TM2D2: variants seen among roughly 807,000 people sequenced by gnomAD.
TM2D2 encodes TM2 domain containing 2, also known as TM2 domain-containing protein 2.
TM2D2 carries 19 observed loss-of-function variants against 23.0 expected under a neutral mutation model. The ratio of observed to expected loss-of-function variants is 0.82; its 90% CI spans 0.58 to 1.21. TM2D2 has a LOEUF of 1.21. TM2D2 is among the 50% of genes most tolerant of loss of function. The pLI, the probability that TM2D2 is intolerant of heterozygous loss-of-function variation, is 0.00. For synonymous variants in TM2D2, 120 were observed against 108.8 expected, an observed-to-expected ratio of 1.10 and a Z score of -0.64; for missense variants, 246 against 265.4, an observed-to-expected ratio of 0.93 and a Z score of 0.51.
At chr8:38,995,871 C>T in intron 1 of TM2D2, 1 of 1,042,516 alleles carries the variant, frequency 9.6e-7, no homozygotes, top group Non-Finnish European at 1.2e-6. Context: ...TCCATTTATG[C>T]CTTACTCAGT....
intron 2 of TM2D2, among the ~76,000 whole-genome samples, chr8:38,994,654 T>C (rs1835700710): frequency 6.6e-6 from 1 of 152,176 alleles, no homozygotes; most frequent in Non-Finnish European, 1.5e-5. Flanking sequence ...TGTGGCATAA[T>C]AGGATGGCGA....
chr8:38,991,473 G>C lies in TM2D2; in HGVS notation c.504C>G (p.Phe168Leu). The C allele has an allele frequency of 6.2e-7, 1 of 1,613,874 alleles. No homozygotes were observed. Among genetic ancestry groups the C allele is most frequent in the Non-Finnish European group, 8.5e-7 (1 of 1,179,974 alleles). ...CTGCAGTGCCAGTGTGTCCCAAACA[G>C]AATCGATCCACACCAAAACATCCCA... ...FFLGCFGVDR[F>L]CLGHTGTAVG... Residue 168 changes from phenylalanine (F) to leucine (L), a missense_variant, in exon 4 of 4, where the codon TTC (phenylalanine) becomes TTG (leucine). This residue lies in a region of TM2D2 where 34 missense variants were observed against 63.2 expected (regional missense o/e 0.54). Coordinates refer to ENST00000456397, the MANE Select transcript of TM2D2 (RefSeq NM_078473.3).
intron 2 of TM2D2, chr8:38,993,965 A>C: frequency 5.2e-6 from 1 of 192,772 alleles, no homozygotes; most frequent in East Asian, 1.2e-4. Context: ...GATGAACACA[A>C]TGCTTTACTT....
rs1181923856 is a variant in TM2D2 at position 38,989,187 on chromosome 8, T to G, written c.*2145A>C. ...CCACTCTAGCAGCGAGAACAACTTC[T>G]TTTGTCTCCAGCAGCTTTACTGACA... On this transcript the variant is annotated 3_prime_UTR_variant, in exon 4 of 4. Transcript: ENST00000456397. The G allele has an allele frequency of 1.3e-5, 2 of 152,230 alleles. No homozygotes were observed. Among genetic ancestry groups the G allele is most frequent in the Non-Finnish European group, 2.9e-5 (2 of 68,036 alleles). The allele number at this position is 152,230 out of a possible 1,614,324, so 9.4% of individuals were successfully genotyped here.
Position 38,989,844 on chromosome 8 carries a change from GGTACCA to G in TM2D2, c.*1482_*1487del, listed in dbSNP as rs1835552938. 1 of 151,736 alleles carries G rather than the reference GGTACCA, an allele frequency of 6.6e-6. No homozygotes were observed. The highest frequency in any genetic ancestry group is 1.5e-5 in the Non-Finnish European group (1 of 67,966). 9.4% of individuals were successfully genotyped at this position (151,736 alleles called of 1,614,324 possible). On this transcript the variant is annotated 3_prime_UTR_variant, in exon 4 of 4. Coordinates refer to ENST00000456397, the MANE Select transcript of TM2D2 (RefSeq NM_078473.3). ...CTCTTTTATTTGTATAAATTTATAG[GGTACCA>G]GTACAATTTTATTTCATGCATAAAT...
intron 1 of TM2D2, 134 bp downstream of exon 1, chr8:38,996,079 A>C: frequency 1.9e-6 from 2 of 1,078,948 alleles, no homozygotes; most frequent in South Asian, 3.3e-5. Flanking sequence ...GGTTCATGAT[A>C]TTTGCCTCCG....
At chr8:38,996,745 G>C (rs908100576), upstream of TM2D2, 1 of 1,418,782 alleles carries the variant, frequency 7.0e-7, no homozygotes, top group African/African-American at 1.4e-5. Flanking sequence ...CTAGGTGGGC[G>C]TGCCCGGCAG....
rs1047185727 is a variant in TM2D2 at position 38,995,874 on chromosome 8, TACTC to T, written c.227+335_227+338del. The T allele has an allele frequency of 4.3e-5, 43 of 1,004,160 alleles. No individual in the cohort carries two copies. In the African/African-American group the frequency reaches 6.2e-4, roughly 14 times the overall value. The allele number at this position is 1,004,160 out of a possible 1,614,324, so 62.2% of individuals were successfully genotyped here. ...CAAGTCATTTACTCCATTTATGCCT[TACTC>T]AGTACTGGCACCGAATCGACCGACT... On this transcript the variant is annotated intron_variant, in intron 1 of 3. Transcript: ENST00000456397.
At position 38,996,448 on chromosome 8, in the gene TM2D2, G is replaced by A; in HGVS notation, c.-9C>T. 6.2e-7 allele frequency: 1 copy of A among 1,613,728 alleles called. No homozygotes were observed. The stretch of plus-strand genomic sequence containing the variant: ...CAACCACCTAGCACCATCTTCCCGG[G>A]CACAGGAGCGGAGACCCGGCCTCAA... On this transcript the variant is annotated 5_prime_UTR_variant, in exon 1 of 4. Coordinates refer to ENST00000456397, the MANE Select transcript of TM2D2 (RefSeq NM_078473.3).
rs546631368 is a variant in TM2D2 at position 38,994,923 on chromosome 8, C to T, written c.315+395G>A. 6.6e-5 allele frequency among the ~76,000 whole-genome samples: 10 copies of T among 152,332 alleles called. No homozygotes were observed. In the South Asian group the frequency reaches 2.1e-3, roughly 32 times the overall value. On this transcript the variant is annotated intron_variant, in intron 2 of 3. Transcript: ENST00000456397. The stretch of plus-strand genomic sequence containing the variant: ...AAAGAAATGTCATTGGCAAGAAAAG[C>T]TCTGCCCCAAATGCATGTGTAACAA...
rs1454864826 is a variant in TM2D2 at position 38,996,399 on chromosome 8, C to A, written c.41G>T (p.Cys14Phe). 1 of 1,614,212 alleles carries A rather than the reference C, an allele frequency of 6.2e-7. No homozygotes were observed. The highest frequency in any genetic ancestry group is 1.7e-5 in the Admixed American group (1 of 60,036). Residue 14 changes from cysteine (C) to phenylalanine (F), a missense_variant, in exon 1 of 4, where the codon TGC becomes TTC. By Grantham distance (205) the Cys-to-Phe change is radical. Around this residue, in one of 2 missense-constraint regions of TM2D2, gnomAD observed 212 missense variants for 202.2 expected, o/e 1.05. Coordinates refer to ENST00000456397, the MANE Select transcript of TM2D2 (RefSeq NM_078473.3). Reference protein sequence around the residue: ...GGCPVSYLLLCGQAALLLGNL... With the variant: ...GGCPVSYLLLFGQAALLLGNL... ...CCCCAGCAGCAAAGCCGCCTGGCCG[C>A]ACAGAAGTAAGTAACTAACCGGGCA...
At chr8:38,996,937 G>A (rs751372243), upstream of TM2D2, 5 of 1,449,156 alleles carry the variant, frequency 3.5e-6, no homozygotes, top group South Asian at 6.1e-5. Flanking sequence ...TGCTCGTCGG[G>A]CGCGCGTGCT....
rs149115965 is a variant in TM2D2 at position 38,996,295 on chromosome 8, C to G, written c.145G>C (p.Ala49Pro). 1.2e-4 allele frequency: 197 copies of G among 1,614,028 alleles called. No homozygotes were observed. In the African/African-American group the frequency reaches 2.3e-3, roughly 19 times the overall value. Residue 49 changes from alanine to proline, a missense_variant, in exon 1 of 4, where the codon GCC becomes CCC. Physicochemically the swap from Ala to Pro is conservative, Grantham distance 27. Coordinates refer to ENST00000456397, the MANE Select transcript of TM2D2 (RefSeq NM_078473.3). ...TAEPELTSAGAAQPEGPGGAA... is the reference protein window; with the variant it reads ...TAEPELTSAGPAQPEGPGGAA... ...CCCCCGGGGCCCTCCGGCTGGGCGG[C>G]GCCAGCGGATGTGAGCTCAGGCTCA...
chr8:38,994,477 C>T (rs1835696289), intron 2 of TM2D2, among the ~76,000 whole-genome samples: 1 of 152,128 alleles, frequency 6.6e-6, no homozygotes, highest in Non-Finnish European at 1.5e-5. Flanking sequence ...CAATAATTAT[C>T]AACAGAGTAA....
chr8:38,991,421 G>A lies in TM2D2; in HGVS notation c.556C>T (p.Leu186Phe). 1 of 1,614,096 alleles carries A rather than the reference G, an allele frequency of 6.2e-7. No individual in the cohort carries two copies. Among genetic ancestry groups the A allele is most frequent in the South Asian group, 1.1e-5 (1 of 91,076 alleles). ...AVGKLLTLGG[L>F]GIWWFVDLIL... is the part of the protein sequence containing the mutation. ...AGGTCAACAAACCACCAAATCCCAAGTCCTCCAAGCGTCAACAGCTTCCCT... is the reference window on the plus strand; with the variant it reads ...AGGTCAACAAACCACCAAATCCCAAATCCTCCAAGCGTCAACAGCTTCCCT... The change falls in exon 4 of 4, where the codon CTT becomes TTT. Residue 186 changes from leucine (L) to phenylalanine (F), a missense_variant. Leu to Phe is a conservative substitution (Grantham distance 22). Around this residue, in one of 2 missense-constraint regions of TM2D2, gnomAD observed 34 missense variants for 63.2 expected, o/e 0.54. Coordinates refer to ENST00000456397, the MANE Select transcript of TM2D2 (RefSeq NM_078473.3).
rs764770799 is a variant in TM2D2, at chr8:38,995,335, C to G, written c.298G>C (p.Gly100Arg). 2.5e-6 allele frequency: 4 copies of G among 1,598,624 alleles called. No individual in the cohort carries two copies. The African/African-American group carries it at 5.4e-5, about 22-fold the overall frequency. ...VGNATASQEL[G>R]YGCLKFGGQA... ...AAACTCACCTTGAGACAACCATAAC[C>G]AAGTTCCTGGGATGCAGTTGCATTT... Residue 100 changes from glycine (G) to arginine (R), a missense_variant, in exon 2 of 4, where the codon GGT becomes CGT. Physicochemically the swap from Gly to Arg is moderately radical, Grantham distance 125. This residue lies in a region of TM2D2 where 212 missense variants were observed against 202.2 expected (regional missense o/e 1.05). Transcript: ENST00000456397.
rs1374784752 is a variant in TM2D2, at chr8:38,991,125, A to G, written c.*207T>C. The G allele has an allele frequency of 3.4e-6, 2 of 595,820 alleles. No homozygotes were observed. Among genetic ancestry groups the G allele is most frequent in the Non-Finnish European group, 5.9e-6 (2 of 336,612 alleles). 36.9% of individuals were successfully genotyped at this position (595,820 alleles called of 1,614,324 possible). On this transcript the variant is annotated 3_prime_UTR_variant, in exon 4 of 4. Transcript: ENST00000456397. Reference sequence around the variant, plus strand: ...GAAAGGAACAAATTTGATTCCCCACAACACTTTTTGCTTGTCATTCCGTCT... The same window carrying G: ...GAAAGGAACAAATTTGATTCCCCACGACACTTTTTGCTTGTCATTCCGTCT...
chr8:38,991,231 T>C lies in TM2D2; in HGVS notation c.*101A>G. 3 of 1,001,674 alleles carry C rather than the reference T, an allele frequency of 3.0e-6. No homozygotes were observed. Among genetic ancestry groups the C allele is most frequent in the Non-Finnish European group, 4.4e-6 (3 of 675,754 alleles). 62.0% of individuals were successfully genotyped at this position (1,001,674 alleles called of 1,614,324 possible). On this transcript the variant is annotated 3_prime_UTR_variant, in exon 4 of 4. Transcript: ENST00000456397. ...CAAATGCCCTCCAAAAGAAGGAAAA[T>C]AACATCAGGTCTGATATCAAAGAGG...
At chr8:38,996,793 A>C, upstream of TM2D2, 4 of 1,419,978 alleles carry the variant, frequency 2.8e-6, no homozygotes, top group Non-Finnish European at 2.8e-6. Context: ...CGGGCCGACT[A>C]GTGCTGGTTG....
Sources: gnomAD v4.1 joint callset for allele counts (sites outside exome capture counted in the v4.1 genomes callset) on GRCh38, gnomAD v4.1.1 for gene constraint, gnomAD v4.1.1 regional missense constraint, MANE v1.5 for transcripts, NCBI Gene and HGNC (gene_info 2026-07-23, HGNC 2026-07-21) for gene names.